Variants in KIAA0319L observed in about 807,000 individuals in gnomAD.
KIAA0319L encodes the protein dyslexia-associated protein KIAA0319-like protein.
In KIAA0319L, 55 loss-of-function variants were observed where a neutral mutation model predicts 120.1. That is an observed-to-expected ratio of 0.46 (90% CI 0.37 to 0.57). The LOEUF (loss-of-function observed/expected upper bound fraction) is 0.57. Ranked by LOEUF, KIAA0319L falls within the 20% of genes least tolerant of loss-of-function variation. The probability of loss-of-function intolerance (pLI) is 0.00; values close to 1 mark genes in which losing one functional copy is unlikely to be tolerated. For missense variants in KIAA0319L, 1,049 were observed against 1,255.3 expected (o/e 0.84, Z 2.48); for synonymous variants, 398 against 471.9 (o/e 0.84, Z 2.03).
chr1:35,552,334 A>G (rs561941121), intron 2 of KIAA0319L, among the ~76,000 whole-genome samples: 12 of 152,014 alleles, frequency 7.9e-5, no homozygotes, highest in Non-Finnish European at 1.5e-4. Context: ...TGACAGAGTG[A>G]GACTCCGTTT....
At chr1:35,535,409 TC>T (rs1646537230) in intron 2 of KIAA0319L, among the ~76,000 whole-genome samples, 1 of 152,142 alleles carries the variant, frequency 6.6e-6, no homozygotes, top group African/African-American at 2.4e-5. Flanking sequence ...CTCTCTTCTA[TC>T]TTTTGGCCCC....
intron 2 of KIAA0319L, among the ~76,000 whole-genome samples, chr1:35,551,048 T>C (rs1250639178): frequency 6.6e-6 from 1 of 152,232 alleles, no homozygotes; most frequent in Non-Finnish European, 1.5e-5. Flanking sequence ...AATTCTTAAA[T>C]GAAGAATTAA....
Position 35,434,804 on chromosome 1 carries a change from G to A in KIAA0319L, c.*90C>T, listed in dbSNP as rs1640653646. The A allele has an allele frequency of 8.4e-6, 10 of 1,185,894 alleles. No homozygotes were observed. The highest frequency in any genetic ancestry group is 2.4e-5 in the Admixed American group (1 of 42,116). 73.5% of individuals were successfully genotyped at this position (1,185,894 alleles called of 1,614,324 possible). On this transcript the variant is annotated 3_prime_UTR_variant, in exon 21 of 21. Transcript: ENST00000325722. ...TGTCAGGGCGAAATGACCAGCAGAT[G>A]CTGGGACAGCAGCTGCCCGCAGACT...
chr1:35,525,919 T>C (rs968721847), intron 2 of KIAA0319L, among the ~76,000 whole-genome samples: 1 of 152,142 alleles, frequency 6.6e-6, no homozygotes, highest in African/African-American at 2.4e-5. Context: ...TAGACCAATA[T>C]GCTAGAGTGT....
intron 2 of KIAA0319L, among the ~76,000 whole-genome samples, chr1:35,521,696 A>G (rs1645923938): frequency 6.9e-6 from 1 of 145,736 alleles, no homozygotes; most frequent in Non-Finnish European, 1.5e-5. Flanking sequence ...AAGTAGGCCG[A>G]GAGCGGTGGC....
rs566236978 is a variant in KIAA0319L, at chr1:35,530,800, T to C, written c.142+23550A>G. On this transcript the variant is annotated intron_variant, in intron 2 of 20. Transcript: ENST00000325722. Reference sequence around the variant, plus strand: ...AGGGCACTTTGGCTTTGATTCTGGATGCATGCGGCAGTGTAGTCTCCATAC... The same window carrying C: ...AGGGCACTTTGGCTTTGATTCTGGACGCATGCGGCAGTGTAGTCTCCATAC... Among the ~76,000 whole-genome samples the C allele has an allele frequency of 3.3e-5, 5 of 152,250 alleles. No homozygotes were observed. The South Asian group carries it at 1.0e-3, about 32-fold the overall frequency.
Position 35,456,257 on chromosome 1 carries a change from G to A in KIAA0319L, c.1428-16C>T. ...TACAGTCAAGCTATCAGGGCAGAGAGAGGAGTGTGATCAGGGACGGGTTTA... is the reference window on the plus strand; with the variant it reads ...TACAGTCAAGCTATCAGGGCAGAGAAAGGAGTGTGATCAGGGACGGGTTTA... On this transcript the variant is annotated splice_polypyrimidine_tract_variant and intron_variant, in intron 9 of 20. Coordinates refer to ENST00000325722, the MANE Select transcript of KIAA0319L (RefSeq NM_024874.5). 1 of 1,491,106 alleles carries A rather than the reference G, an allele frequency of 6.7e-7. No individual in the cohort carries two copies. Among genetic ancestry groups the A allele is most frequent in the East Asian group, 2.3e-5 (1 of 43,530 alleles). The allele number at this position is 1,491,106 out of a possible 1,614,324, so 92.4% of individuals were successfully genotyped here.
chr1:35,479,518 A>T (rs867479994), intron 3 of KIAA0319L, among the ~76,000 whole-genome samples: 2 of 152,324 alleles, frequency 1.3e-5, no homozygotes, highest in South Asian at 4.1e-4. Flanking sequence ...CTTTCTACAA[A>T]TACTTATTGA....
At chr1:35,534,840 CAG>C (rs1355803984) in intron 2 of KIAA0319L, among the ~76,000 whole-genome samples, 6 of 116,580 alleles carry the variant, frequency 5.1e-5, no homozygotes, top group Non-Finnish European at 9.7e-5. Context: ...GCCTGGGTGA[CAG>C]AGCGAGACTC....
At chr1:35,531,563 T>C (rs1646370534) in intron 2 of KIAA0319L, among the ~76,000 whole-genome samples, 1 of 152,128 alleles carries the variant, frequency 6.6e-6, no homozygotes, top group African/African-American at 2.4e-5. Flanking sequence ...TCACACAGGC[T>C]CCAGGGATCT....
At chr1:35,521,669 AAAAT>A (rs1033285411) in intron 2 of KIAA0319L, among the ~76,000 whole-genome samples, 17 of 146,354 alleles carry the variant, frequency 1.2e-4, no homozygotes, top group East Asian at 1.0e-3. Context: ...TAAATAAATA[AAAAT>A]AAATAAATAA....
intron 2 of KIAA0319L, among the ~76,000 whole-genome samples, chr1:35,512,300 G>C (rs1005318793): frequency 1.0e-4 from 12 of 115,446 alleles, no homozygotes; most frequent in African/African-American, 3.7e-4. Flanking sequence ...AAAATAAAAA[G>C]ATCTGGAAAA....
intron 16 of KIAA0319L, among the ~76,000 whole-genome samples, chr1:35,446,130 C>A (rs754013545): frequency 2.0e-5 from 3 of 152,168 alleles, no homozygotes; most frequent in Non-Finnish European, 4.4e-5. Flanking sequence ...TCCAGACCAA[C>A]TGAACTATAA....
At position 35,456,915 on chromosome 1, in the gene KIAA0319L, TGAAGGAAGGAAGGAAG is replaced by T. The variant is rs71062877; in HGVS notation, c.1428-690_1428-675del. Among the ~76,000 whole-genome samples, 278 of 110,068 alleles carry T rather than the reference TGAAGGAAGGAAGGAAG, an allele frequency of 2.5e-3. 1 individual carries two copies. The highest frequency in any genetic ancestry group is 3.9e-3 in the Non-Finnish European group (200 of 51,800). 72.2% of individuals were successfully genotyped at this position (110,068 alleles called of 152,430 possible). A position where few individuals can be genotyped will look rare whatever the true frequency, so the allele number is the denominator to read the frequency against. On this transcript the variant is annotated intron_variant, in intron 9 of 20. Coordinates refer to ENST00000325722, the MANE Select transcript of KIAA0319L (RefSeq NM_024874.5). ...GGGAGGGAGGGAAAGAAGGAAGGAA[TGAAGGAAGGAAGGAAG>T]GAAGGAAGGAAGGAAGGAAGGAAGG...
chr1:35,535,398 G>A (rs191248152), intron 2 of KIAA0319L, among the ~76,000 whole-genome samples: 50 of 152,050 alleles, frequency 3.3e-4, no homozygotes, highest in African/African-American at 1.1e-3. Flanking sequence ...TTCCACAATT[G>A]CTCTCTTCTA....
intron 4 of KIAA0319L, 40 bp from the exon 5 acceptor site, chr1:35,474,946 C>T: frequency 9.0e-7 from 1 of 1,109,278 alleles, no homozygotes; most frequent in Non-Finnish European, 1.4e-6. Context: ...AGAAATAGAT[C>T]CAGACTGTCT....
At chr1:35,462,520 C>T (rs1483187129) in intron 8 of KIAA0319L, 101 bp downstream of exon 8, 3 of 957,052 alleles carry the variant, frequency 3.1e-6, no homozygotes, top group Non-Finnish European at 4.9e-6. Flanking sequence ...CTGGCCTAAA[C>T]AGAACGCAGA....
chr1:35,544,623 CT>C (rs1646915699), intron 2 of KIAA0319L, among the ~76,000 whole-genome samples: 1 of 152,168 alleles, frequency 6.6e-6, no homozygotes, highest in African/African-American at 2.4e-5. Flanking sequence ...GGTACATTAT[CT>C]TTAATCCAAC....
Position 35,479,098 on chromosome 1 carries a change from T to C in KIAA0319L, c.781A>G (p.Thr261Ala), listed in dbSNP as rs771801175. ...CTTTTTACTTGTTGAGTGCTGGGCG[T>C]AGTAGCAAGACCCTCTGATATTTCA... is the stretch of plus-strand genomic sequence containing the variant. ...QPEISEGLATTPSTQQVKSSE... is the reference protein window; with the variant it reads ...QPEISEGLATAPSTQQVKSSE... Residue 261 changes from threonine (T) to alanine (A), a missense_variant, in exon 4 of 21, where the codon ACG becomes GCG. Thr to Ala is a moderately conservative substitution (Grantham distance 58). Transcript: ENST00000325722. 1 of 1,614,174 alleles carries C rather than the reference T, an allele frequency of 6.2e-7. No individual in the cohort carries two copies. Among genetic ancestry groups the C allele is most frequent in the South Asian group, 1.1e-5 (1 of 91,086 alleles).
Sources: gnomAD v4.1 joint callset for allele counts (sites outside exome capture counted in the v4.1 genomes callset) on GRCh38, gnomAD v4.1.1 for gene constraint, MANE v1.5 for transcripts, NCBI Gene and HGNC (gene_info 2026-07-23, HGNC 2026-07-21) for gene names.